The following ZNF749 variants were observed in gnomAD, a reference collection of about 807,000 sequenced individuals.
The protein encoded by ZNF749 is zinc finger protein 749.
In ZNF749, 8 loss-of-function variants were observed where a neutral mutation model predicts 7.3. The observed-to-expected ratio is 1.10, with a 90% confidence interval of 0.64 to 1.98. ZNF749 has a LOEUF of 1.98. ZNF749 is among the 30% of genes most tolerant of loss of function. The pLI is 0.00. For synonymous variants in ZNF749, 310 were observed against 322.4 expected, an observed-to-expected ratio of 0.96 and a Z score of 0.41; for missense variants, 898 against 932.4, an observed-to-expected ratio of 0.96 and a Z score of 0.48.
intron 1 of ZNF749, 87 bp from the exon 2 acceptor site, chr19:57,441,798 T>TTCTTAGATTTTAAGTAGATAAA: frequency 6.5e-7 from 1 of 1,547,562 alleles, no homozygotes; most frequent in Non-Finnish European, 8.8e-7. Flanking sequence ...GGCCCTCCAA[T>TTCTTAGATTTTAAGTAGATAAA]TCTTAGATTT....
chr19:57,430,338 G>T (rs561624766), upstream of ZNF749, among the ~76,000 whole-genome samples: 1 of 152,174 alleles, frequency 6.6e-6, no homozygotes, highest in African/African-American at 2.4e-5. Flanking sequence ...CCATTCTTGC[G>T]ATGATAGCAT....
chr19:57,429,664 T>C, the ZNF749 span, among the ~76,000 whole-genome samples: 1 of 151,922 alleles, frequency 6.6e-6, no homozygotes, highest in Non-Finnish European at 1.5e-5. The surrounding 1 kb of genome is among the most constrained non-coding windows in gnomAD (Gnocchi z 4.2). Flanking sequence ...ATTTTTTATT[T>C]TTTGAGGCAG....
At chr19:57,441,353 A>T (rs955582634) in intron 1 of ZNF749, among the ~76,000 whole-genome samples, 1 of 152,022 alleles carries the variant, frequency 6.6e-6, no homozygotes, top group East Asian at 1.9e-4. Flanking sequence ...GATTCTGGAG[A>T]GGGAAGTGTA....
In ZNF749 at chr19:57,439,185, G is replaced by A. The variant is rs986956691; in HGVS notation, c.16-2700G>A. 7.9e-5 allele frequency among the ~76,000 whole-genome samples: 12 copies of A among 152,164 alleles called. No homozygotes were observed. The highest frequency in any genetic ancestry group is 2.9e-4 in the African/African-American group (12 of 41,426). On this transcript the variant is annotated intron_variant, in intron 1 of 2. Transcript: ENST00000334181. The surrounding 1 kb of genome is among the most constrained non-coding windows in gnomAD (Gnocchi z 4.3). ...TGGAGCCACCGATACCTGGGTGATG[G>A]GTCCAGCAACAGCCCAGGTGGAGGT...
At chr19:57,440,272 G>A (rs1302283275) in intron 1 of ZNF749, among the ~76,000 whole-genome samples, 2 of 152,110 alleles carry the variant, frequency 1.3e-5, no homozygotes, top group African/African-American at 2.4e-5. Flanking sequence ...TAGGCCTGGG[G>A]TGGGGATAGC....
At chr19:57,429,112 C>A in the ZNF749 span, among the ~76,000 whole-genome samples, 1 of 152,064 alleles carries the variant, frequency 6.6e-6, no homozygotes, top group African/African-American at 2.4e-5. This position sits in a 1 kb window ranked among gnomAD's most constrained non-coding sequence, Gnocchi z 4.2. Context: ...GCAACCTCCA[C>A]CTCCTGGGTT....
At position 57,435,359 on chromosome 19, in the gene ZNF749, G is replaced by T. The variant is rs1416691218; in HGVS notation, c.-220G>T. 3 of 656,578 alleles carry T rather than the reference G, an allele frequency of 4.6e-6. No individual in the cohort carries two copies. The highest frequency in any genetic ancestry group is 5.5e-5 in the East Asian group (2 of 36,358). 40.7% of individuals were successfully genotyped at this position (656,578 alleles called of 1,614,324 possible). ...GGCGCCCTCATGGTTGCGTTAGCAT[G>T]GCTACCTAGGGATCTGTTCACTGAT... On this transcript the variant is annotated 5_prime_UTR_variant, in exon 1 of 3. The change abolishes an upstream ATG in the 5' untranslated region. Transcript: ENST00000334181.
intron 1 of ZNF749, among the ~76,000 whole-genome samples, chr19:57,441,355 G>A (rs1600104038): frequency 6.6e-6 from 1 of 152,042 alleles, no homozygotes; most frequent in South Asian, 2.1e-4. Flanking sequence ...TTCTGGAGAG[G>A]GAAGTGTATC....
rs2089034473 is a variant in ZNF749 at position 57,444,463 on chromosome 19, G to A, written c.1315G>A (p.Glu439Lys). 1.9e-6 allele frequency: 3 copies of A among 1,613,914 alleles called. No individual in the cohort carries two copies. In the Admixed American group the frequency reaches 5.0e-5, roughly 27 times the overall value. Residue 439 changes from glutamate (E) to lysine (K), a missense_variant, in exon 3 of 3, where the codon GAG becomes AAG. Physicochemically the swap from Glu to Lys is moderately conservative, Grantham distance 56 (BLOSUM62 1). Transcript: ENST00000334181. ...AATTCATACTGGAGAACGGCCTTAT[G>A]AGTGCACTGAATGTGAGAAGGCCTT... is the stretch of plus-strand genomic sequence containing the variant. ...LKIHTGERPYECTECEKAFVR... is the reference protein window; with the variant it reads ...LKIHTGERPYKCTECEKAFVR...
rs1260356086 is a variant in ZNF749 at position 57,436,227 on chromosome 19, A to G, written c.15+634A>G. On this transcript the variant is annotated intron_variant, in intron 1 of 2. Transcript: ENST00000334181. This position sits in a 1 kb window ranked among gnomAD's most constrained non-coding sequence, Gnocchi z 4.0. The stretch of plus-strand genomic sequence containing the variant: ...TCAGCTTAAGGAGCGGGTTTCAGAC[A>G]GAAGATCCTGGGTTGGATTTTGGGC... Among the ~76,000 whole-genome samples, 1 of 152,192 alleles carries G rather than the reference A, an allele frequency of 6.6e-6. No homozygotes were observed. The highest frequency in any genetic ancestry group is 1.5e-5 in the Non-Finnish European group (1 of 68,042).
At chr19:57,435,163 A>G (rs1044075576), upstream of ZNF749, among the ~76,000 whole-genome samples, 2 of 152,202 alleles carry the variant, frequency 1.3e-5, no homozygotes, top group African/African-American at 2.4e-5. Flanking sequence ...GAGGCGAGGC[A>G]GGCAGCAGCG....
intron 1 of ZNF749, 165 bp downstream of exon 1, chr19:57,435,758 C>G: frequency 7.5e-7 from 1 of 1,340,612 alleles, no homozygotes; most frequent in Admixed American, 2.6e-5. Context: ...GAGCTCCCGT[C>G]GGAGACCGAC....
At chr19:57,437,973 C>T in intron 1 of ZNF749, 1 of 397,194 alleles carries the variant, frequency 2.5e-6, no homozygotes, top group Non-Finnish European at 4.4e-6. Context: ...AGAGGCAGCA[C>T]TGAACTTAGG....
Position 57,445,113 on chromosome 19 carries a change from C to A in ZNF749, c.1965C>A (p.Leu655=), listed in dbSNP as rs147335678. The A allele has an allele frequency of 3.0e-5, 49 of 1,613,634 alleles. No individual in the cohort carries two copies. The African/African-American group carries it at 6.1e-4, about 20-fold the overall frequency. ...AATTTTTTAGAGATAGCTACAAACTCATTATTCATCAGAGAGTTCATACTG... is the reference window on the plus strand; with the variant it reads ...AATTTTTTAGAGATAGCTACAAACTAATTATTCATCAGAGAGTTCATACTG... ...CGKFFRDSYK[L]IIHQRVHTGE... is the part of the protein sequence containing the mutation. The change falls in exon 3 of 3, where the codon CTC becomes CTA. Residue 655 remains leucine (L), a synonymous_variant. Coordinates refer to ENST00000334181, the MANE Select transcript of ZNF749 (RefSeq NM_001023561.4).
At position 57,442,700 on chromosome 19, in the gene ZNF749, C is replaced by G. The variant is rs2089004700; in HGVS notation, c.143-591C>G. On this transcript the variant is annotated intron_variant, in intron 2 of 2. Transcript: ENST00000334181. This position sits in a 1 kb window ranked among gnomAD's most constrained non-coding sequence, Gnocchi z 6.6. Reference sequence around the variant, plus strand: ...GCTGGGAAAGGATGTGATATCAAGGCTGGGTTCAAATCACATTGAGAACTT... The same window carrying G: ...GCTGGGAAAGGATGTGATATCAAGGGTGGGTTCAAATCACATTGAGAACTT... Among the ~76,000 whole-genome samples, 1 of 152,168 alleles carries G rather than the reference C, an allele frequency of 6.6e-6. No homozygotes were observed. Among genetic ancestry groups the G allele is most frequent in the African/African-American group, 2.4e-5 (1 of 41,426 alleles).
At position 57,436,430 on chromosome 19, in the gene ZNF749, G is replaced by A. The variant is rs1180728399; in HGVS notation, c.15+837G>A. Reference sequence around the variant, plus strand: ...AGGTAGGGGAGGGCTCAGATTTGGAGGAAAGACCATGGTAGGGAGGGCATC... The same window carrying A: ...AGGTAGGGGAGGGCTCAGATTTGGAAGAAAGACCATGGTAGGGAGGGCATC... On this transcript the variant is annotated intron_variant, in intron 1 of 2. Transcript: ENST00000334181. The surrounding 1 kb of genome is among the most constrained non-coding windows in gnomAD (Gnocchi z 4.0). Among the ~76,000 whole-genome samples the A allele has an allele frequency of 6.6e-6, 1 of 152,154 alleles. No individual in the cohort carries two copies. Among genetic ancestry groups the A allele is most frequent in the Non-Finnish European group, 1.5e-5 (1 of 68,026 alleles).
At chr19:57,433,662 G>A (rs571190916), upstream of ZNF749, among the ~76,000 whole-genome samples, 15 of 147,250 alleles carry the variant, frequency 1.0e-4, no homozygotes, top group Non-Finnish European at 1.8e-4. Flanking sequence ...AAATTGTAAC[G>A]CTTTGGCCAA....
intron 2 of ZNF749, 74 bp from the exon 3 acceptor site, chr19:57,443,217 A>G (rs1382347442): frequency 1.5e-6 from 2 of 1,336,658 alleles, no homozygotes; most frequent in African/African-American, 2.9e-5. Flanking sequence ...GGTGTGTCTC[A>G]CAGACATTTG....
rs1406747774 is a variant in ZNF749, at chr19:57,436,157, G to C, written c.15+564G>C. Among the ~76,000 whole-genome samples, 1 of 152,118 alleles carries C rather than the reference G, an allele frequency of 6.6e-6. No homozygotes were observed. Among genetic ancestry groups the C allele is most frequent in the Non-Finnish European group, 1.5e-5 (1 of 68,040 alleles). Reference sequence around the variant, plus strand: ...CGGTAGTGAATGGTGTCTTCCATAGGTTTTGTTTTGGCCTGAAAAATCTGA... The same window carrying C: ...CGGTAGTGAATGGTGTCTTCCATAGCTTTTGTTTTGGCCTGAAAAATCTGA... On this transcript the variant is annotated intron_variant, in intron 1 of 2. Coordinates refer to ENST00000334181, the MANE Select transcript of ZNF749 (RefSeq NM_001023561.4). This position sits in a 1 kb window ranked among gnomAD's most constrained non-coding sequence, Gnocchi z 4.0.
Sources: allele counts gnomAD v4.1 joint callset (sites outside exome capture counted in the v4.1 genomes callset), GRCh38; gene constraint gnomAD v4.1.1; non-coding constraint Gnocchi (gnomAD v3.1); transcripts MANE v1.5; gene names NCBI Gene and HGNC (gene_info 2026-07-23, HGNC 2026-07-21).